Variants in BTBD7 observed in about 807,000 individuals in gnomAD.
BTBD7 encodes the protein BTB/POZ domain-containing protein 7.
In BTBD7, 38 loss-of-function variants were observed where a neutral mutation model predicts 99.9. The observed-to-expected ratio is 0.38, with a 90% confidence interval of 0.29 to 0.50. BTBD7 has a LOEUF of 0.50. Among genes scored for constraint, BTBD7 ranks in the 20% least tolerant of loss-of-function variants. The probability of loss-of-function intolerance (pLI) is 0.93; values close to 1 mark genes in which losing one functional copy is unlikely to be tolerated. For missense variants in BTBD7, 1,170 were observed against 1,394.6 expected (o/e 0.84, Z 2.57); for synonymous variants, 520 against 511.4 (o/e 1.02, Z -0.23).
At chr14:93,330,383 C>T (rs1446618194) in intron 1 of BTBD7, among the ~76,000 whole-genome samples, 7 of 152,138 alleles carry the variant, frequency 4.6e-5, no homozygotes, top group Non-Finnish European at 8.8e-5. Flanking sequence ...GCTTTTTCCT[C>T]ACAAAGTAAC....
At position 93,240,749 on chromosome 14, in the gene BTBD7, C is replaced by T. The variant is rs2052216208; in HGVS notation, c.*1524G>A. 1 of 152,496 alleles carries T rather than the reference C, an allele frequency of 6.6e-6. No homozygotes were observed. The highest frequency in any genetic ancestry group is 2.4e-5 in the African/African-American group (1 of 41,388). The allele number at this position is 152,496 out of a possible 1,614,324, so 9.4% of individuals were successfully genotyped here. ...TTGGAGAGTAAGAAAAAAAACAGTC[C>T]TTAGCTCACACATTGCCCTTCCAAG... On this transcript the variant is annotated 3_prime_UTR_variant, in exon 11 of 11. Coordinates refer to ENST00000334746, the MANE Select transcript of BTBD7 (RefSeq NM_001002860.4).
intron 6 of BTBD7, among the ~76,000 whole-genome samples, chr14:93,254,722 T>C (rs949433050): frequency 5.3e-5 from 8 of 152,206 alleles, no homozygotes; most frequent in Non-Finnish European, 1.0e-4. Flanking sequence ...GTATCAAGTA[T>C]CTTTAGTTCC....
In BTBD7 at chr14:93,242,873, T is replaced by A; in HGVS notation, c.2799A>T (p.Thr933=). 1 of 1,614,190 alleles carries A rather than the reference T, an allele frequency of 6.2e-7. No homozygotes were observed. Among genetic ancestry groups the A allele is most frequent in the Middle Eastern group, 1.6e-4 (1 of 6,062 alleles). The change falls in exon 11 of 11, where the codon ACA becomes ACT. Residue 933 remains threonine, a synonymous_variant. Coordinates refer to ENST00000334746, the MANE Select transcript of BTBD7 (RefSeq NM_001002860.4). ...ATTCCTGTGGATTTTCTCTGGTGTCTGTTTTTTGCTCTAGTGTGTGTTTTT... is the reference window on the plus strand; with the variant it reads ...ATTCCTGTGGATTTTCTCTGGTGTCAGTTTTTTGCTCTAGTGTGTGTTTTT... ...SRKKHTLEQK[T]DTRENPQEYP... is the part of the protein sequence containing the mutation.
chr14:93,252,952 T>C (rs1333341154), intron 7 of BTBD7, among the ~76,000 whole-genome samples: 1 of 152,052 alleles, frequency 6.6e-6, no homozygotes, highest in Non-Finnish European at 1.5e-5. Context: ...GTCTCCTGAG[T>C]AGCAGAAATC....
At chr14:93,266,330 T>A (rs576965827) in intron 3 of BTBD7, among the ~76,000 whole-genome samples, 1 of 152,078 alleles carries the variant, frequency 6.6e-6, no homozygotes, top group Non-Finnish European at 1.5e-5. Flanking sequence ...CAGTTTAGAT[T>A]AGCACTGACC....
chr14:93,326,562 G>A (rs947074295), intron 1 of BTBD7, among the ~76,000 whole-genome samples: 2 of 152,182 alleles, frequency 1.3e-5, no homozygotes, highest in South Asian at 2.1e-4. Context: ...AGCAATTTGG[G>A]AGGCTGAGGC....
intron 1 of BTBD7, among the ~76,000 whole-genome samples, chr14:93,326,278 G>A (rs12437177): frequency 0.017 from 2,558 of 151,856 alleles, 78 homozygotes; most frequent in African/African-American, 0.059. Context: ...ACCAGCCTGG[G>A]CAGCACAGTG....
chr14:93,319,223 A>G (rs1261841154), intron 1 of BTBD7, among the ~76,000 whole-genome samples: 1 of 152,208 alleles, frequency 6.6e-6, no homozygotes, highest in Admixed American at 6.5e-5. Context: ...TAACAATAAC[A>G]ACAACCAAAA....
At chr14:93,272,760 C>A (rs75006608) in intron 3 of BTBD7, among the ~76,000 whole-genome samples, 5,228 of 152,254 alleles carry the variant, frequency 0.034, 294 homozygotes, top group African/African-American at 0.12. Flanking sequence ...AGTCAACCTG[C>A]GCCTCAGTGT....
chr14:93,250,794 A>C (rs2052360700), intron 8 of BTBD7, among the ~76,000 whole-genome samples: 1 of 152,208 alleles, frequency 6.6e-6, no homozygotes. Flanking sequence ...TAAGACATAA[A>C]CCTGTGCTAC....
chr14:93,242,794 G>T lies in BTBD7; in HGVS notation c.2878C>A (p.Leu960Ile). The T allele has an allele frequency of 6.2e-7, 1 of 1,614,214 alleles. No homozygotes were observed. Among genetic ancestry groups the T allele is most frequent in the Non-Finnish European group, 8.5e-7 (1 of 1,180,034 alleles). Residue 960 changes from leucine (L) to isoleucine (I), a missense_variant, in exon 11 of 11, where the codon CTC (leucine) becomes ATC (isoleucine). This residue lies in a region of BTBD7 where 495 missense variants were observed against 525.9 expected (regional missense o/e 0.94). Transcript: ENST00000334746. Reference sequence around the variant, plus strand: ...GAAGGGGAAGGGGTGCGTCTGCTGAGAGCAGGAGTAGAAGGTCTGCAAGCA... The same window carrying T: ...GAAGGGGAAGGGGTGCGTCTGCTGATAGCAGGAGTAGAAGGTCTGCAAGCA... ...NAACRPSTPA[L>I]SRRTPSPSQG...
Position 93,263,797 on chromosome 14 carries a change from A to C in BTBD7, c.1359T>G (p.Ser453=). The C allele has an allele frequency of 6.2e-7, 1 of 1,614,024 alleles. No individual in the cohort carries two copies. Among genetic ancestry groups the C allele is most frequent in the Non-Finnish European group, 8.5e-7 (1 of 1,179,870 alleles). ...SKDHLLTAIQ[S]DYLQASEQDI... is the part of the protein sequence containing the mutation. ...TTTAAATGATTACCTGTAGGTAGTC[A>C]GACTGGATAGCAGTAAGCAGATGGT... Residue 453 remains serine, a synonymous_variant, in exon 4 of 11, where the codon TCT becomes TCG. Coordinates refer to ENST00000334746, the MANE Select transcript of BTBD7 (RefSeq NM_001002860.4).
At position 93,240,718 on chromosome 14, in the gene BTBD7, T is replaced by C. The variant is rs533952082; in HGVS notation, c.*1555A>G. ...ATTTAAAAACTCAAATACTCATATA[T>C]TTACATTGGAGAGTAAGAAAAAAAA... On this transcript the variant is annotated 3_prime_UTR_variant, in exon 11 of 11. Transcript: ENST00000334746. 8.5e-5 allele frequency: 13 copies of C among 152,714 alleles called. No individual in the cohort carries two copies. Among genetic ancestry groups the C allele is most frequent in the African/African-American group, 3.1e-4 (13 of 41,568 alleles). 9.5% of individuals were successfully genotyped at this position (152,714 alleles called of 1,614,324 possible).
intron 3 of BTBD7, among the ~76,000 whole-genome samples, chr14:93,286,818 A>AT (rs1290184817): frequency 2.6e-5 from 4 of 152,240 alleles, no homozygotes; most frequent in Non-Finnish European, 4.4e-5. Flanking sequence ...CATTCAAATT[A>AT]TAAGCATGAG....
At chr14:93,302,002 C>T (rs1302469465) in intron 1 of BTBD7, among the ~76,000 whole-genome samples, 1 of 152,148 alleles carries the variant, frequency 6.6e-6, no homozygotes, top group Admixed American at 6.5e-5. Flanking sequence ...GCAGGCTGGG[C>T]TGGGCAAAGC....
chr14:93,329,788 G>A (rs879472680), intron 1 of BTBD7, among the ~76,000 whole-genome samples: 9 of 152,126 alleles, frequency 5.9e-5, no homozygotes, highest in Non-Finnish European at 8.8e-5. Context: ...GGGGCTGGGG[G>A]TAAGGGAAAA....
chr14:93,312,649 A>G (rs1315799842), intron 1 of BTBD7, among the ~76,000 whole-genome samples: 1 of 151,642 alleles, frequency 6.6e-6, no homozygotes, highest in Non-Finnish European at 1.5e-5. Context: ...GCCCTACAGG[A>G]GACTGAGGCT....
At position 93,257,304 on chromosome 14, in the gene BTBD7, T is replaced by C. The variant is rs200686515; in HGVS notation, c.1499A>G (p.Lys500Arg). 33 of 1,614,072 alleles carry C rather than the reference T, an allele frequency of 2.0e-5. No homozygotes were observed. In the Middle Eastern group the frequency reaches 3.5e-3, roughly 169 times the overall value. The change falls in exon 6 of 11, where the codon AAA becomes AGA. Residue 500 changes from lysine to arginine, a missense_variant. Coordinates refer to ENST00000334746, the MANE Select transcript of BTBD7 (RefSeq NM_001002860.4). ...TAHSVNKRGV[K>R]RRDLDMEELR... Reference sequence around the variant, plus strand: ...CTCTTCCATGTCCAGGTCCCGTCTTTTTACACCTCTTTTGTTCACACTATG... The same window carrying C: ...CTCTTCCATGTCCAGGTCCCGTCTTCTTACACCTCTTTTGTTCACACTATG...
intron 3 of BTBD7, among the ~76,000 whole-genome samples, chr14:93,283,654 C>T (rs1245856142): frequency 6.6e-6 from 1 of 152,198 alleles, no homozygotes; most frequent in African/African-American, 2.4e-5. Context: ...CTGGTTCAAG[C>T]AATTTTCATG....
Sources: gnomAD v4.1 joint callset for allele counts (sites outside exome capture counted in the v4.1 genomes callset) on GRCh38, gnomAD v4.1.1 for gene constraint, gnomAD v4.1.1 regional missense constraint, MANE v1.5 for transcripts, NCBI Gene and HGNC (gene_info 2026-07-23, HGNC 2026-07-21) for gene names.